CNTNAP3: variants seen among roughly 807,000 people sequenced by gnomAD.
The protein encoded by CNTNAP3 is contactin associated protein family member 3.
In CNTNAP3, 36 loss-of-function variants were observed where a neutral mutation model predicts 92.1. The observed-to-expected ratio is 0.39, with a 90% CI of 0.30 to 0.52. The LOEUF (loss-of-function observed/expected upper bound fraction) is 0.52. CNTNAP3 is among the 20% of genes least tolerant of loss of function. CNTNAP3 has a pLI of 0.76. For synonymous variants in CNTNAP3, 232 were observed against 422.3 expected, an observed-to-expected ratio of 0.55 and a Z score of 5.53; for missense variants, 534 against 1,069.6, an observed-to-expected ratio of 0.50 and a Z score of 6.98.
Position 39,067,125 on chromosome 9 carries a change from C to T in CNTNAP3, c.*6765G>A, listed in dbSNP as rs1825525647. On this transcript the variant is annotated 3_prime_UTR_variant, in exon 24 of 24. Coordinates refer to ENST00000297668, the MANE Select transcript of CNTNAP3 (RefSeq NM_033655.5). The stretch of plus-strand genomic sequence containing the variant: ...TTATTAATATTTTCTTCTGAAAACT[C>T]TCATCTGCCATTAATTACATCCATT... Among the ~76,000 whole-genome samples the T allele has an allele frequency of 6.6e-6, 1 of 152,294 alleles. No individual in the cohort carries two copies.
intron 21 of CNTNAP3, chr9:39,085,010 T>C (rs1188316989): frequency 6.9e-6 from 1 of 144,436 alleles, no homozygotes. Context: ...AAGATGTATA[T>C]AATAAATATT....
intron 18 of CNTNAP3, among the ~76,000 whole-genome samples, chr9:39,098,200 G>A (rs1043183136): frequency 1.4e-5 from 2 of 145,698 alleles, no homozygotes; most frequent in Non-Finnish European, 3.0e-5. Flanking sequence ...GAGAAAAGTT[G>A]AAGGGCTTTC....
At chr9:39,131,683 G>A (rs568045112) in intron 13 of CNTNAP3, among the ~76,000 whole-genome samples, 16 of 152,338 alleles carry the variant, frequency 1.1e-4, no homozygotes, top group East Asian at 1.9e-4. Flanking sequence ...AAAATTAGCC[G>A]GGCATGGCGG....
At chr9:39,104,513 CA>C (rs1446177584) in intron 15 of CNTNAP3, among the ~76,000 whole-genome samples, 1 of 149,300 alleles carries the variant, frequency 6.7e-6, no homozygotes, top group Non-Finnish European at 1.5e-5. Context: ...CACACACACA[CA>C]CACACACTGT....
intron 18 of CNTNAP3, among the ~76,000 whole-genome samples, chr9:39,098,237 G>A (rs1223040763): frequency 4.1e-5 from 6 of 147,038 alleles, no homozygotes; most frequent in Non-Finnish European, 9.0e-5. Context: ...CTTTATGAAA[G>A]GTTGATATTT....
chr9:39,071,564 T>C lies in CNTNAP3; in HGVS notation c.*2326A>G, dbSNP rs1245365986. On this transcript the variant is annotated 3_prime_UTR_variant, in exon 24 of 24. Transcript: ENST00000297668. ...GAAGAAAAAAGTTGGGAAATTATTA[T>C]GCTTTTACTTTTATGTTACAAAAGG... Among the ~76,000 whole-genome samples the C allele has an allele frequency of 1.3e-5, 2 of 152,112 alleles. No homozygotes were observed. The highest frequency in any genetic ancestry group is 2.4e-5 in the African/African-American group (1 of 41,444).
In CNTNAP3 at chr9:39,117,889, C is replaced by T. The variant is rs536792060; in HGVS notation, c.2237+214G>A. On this transcript the variant is annotated intron_variant, in intron 14 of 23. Coordinates refer to ENST00000297668, the MANE Select transcript of CNTNAP3 (RefSeq NM_033655.5). The stretch of plus-strand genomic sequence containing the variant: ...TTTCTCTTTTACGAAAAATAAAAAA[C>T]ACATTATATAGTATTCACAACGAAC... The T allele has an allele frequency of 1.7e-5, 18 of 1,080,336 alleles. No individual in the cohort carries two copies. The African/African-American group carries it at 2.8e-4, about 17-fold the overall frequency. 66.9% of individuals were successfully genotyped at this position (1,080,336 alleles called of 1,614,324 possible).
At chr9:39,089,552 G>A (rs1424613034) in intron 18 of CNTNAP3, among the ~76,000 whole-genome samples, 6 of 152,108 alleles carry the variant, frequency 3.9e-5, no homozygotes, top group African/African-American at 1.2e-4. Context: ...CTATGGACAC[G>A]TTTTTATTTT....
rs529876277 is a variant in CNTNAP3, at chr9:39,142,614, G to A, written c.1756+1626C>T. Among the ~76,000 whole-genome samples the A allele has an allele frequency of 2.3e-3, 350 of 151,458 alleles. 1 individual carries two copies. The highest frequency in any genetic ancestry group is 8.2e-3 in the African/African-American group (339 of 41,244). On this transcript the variant is annotated intron_variant, in intron 11 of 23. Transcript: ENST00000297668. ...GTGAACCCGGGAGGCAGAACTTGCA[G>A]TGAGCTGAGATCATGCCACTGGGCT...
At chr9:39,137,098 T>C (rs1821456563) in intron 12 of CNTNAP3, among the ~76,000 whole-genome samples, 1 of 151,838 alleles carries the variant, frequency 6.6e-6, no homozygotes, top group Non-Finnish European at 1.5e-5. Context: ...TTTCTTCTCC[T>C]AGAATTCTCT....
At chr9:39,133,557 T>C (rs1466217536) in intron 12 of CNTNAP3, among the ~76,000 whole-genome samples, 1 of 152,002 alleles carries the variant, frequency 6.6e-6, no homozygotes, top group Non-Finnish European at 1.5e-5. Context: ...ATTGGGACGA[T>C]GTGACGCACA....
chr9:39,119,419 A>T (rs1820948990), intron 13 of CNTNAP3, among the ~76,000 whole-genome samples: 1 of 151,488 alleles, frequency 6.6e-6, no homozygotes, highest in Admixed American at 6.6e-5. Flanking sequence ...GGAATCTTTT[A>T]AAAATGTGCT....
intron 20 of CNTNAP3, chr9:39,086,179 C>A: frequency 5.2e-6 from 2 of 383,694 alleles, no homozygotes; most frequent in Admixed American, 4.3e-5. Context: ...TAAAACCAAG[C>A]ATTGTTGTTC....
chr9:39,119,333 T>G (rs1820945604), intron 13 of CNTNAP3, among the ~76,000 whole-genome samples: 1 of 135,702 alleles, frequency 7.4e-6, no homozygotes, highest in African/African-American at 2.9e-5. Context: ...CCACCACCAC[T>G]ATCCATCACC....
intron 13 of CNTNAP3, 68 bp downstream of exon 13, chr9:39,132,864 G>C: frequency 6.8e-7 from 1 of 1,471,388 alleles, no homozygotes; most frequent in South Asian, 1.3e-5. Flanking sequence ...TCCCTCAAAC[G>C]CATCTCGCAG....
Position 39,147,368 on chromosome 9 carries a change from CTT to C in CNTNAP3, c.1649+2436_1649+2437del, listed in dbSNP as rs566908373. On this transcript the variant is annotated intron_variant, in intron 10 of 23. Coordinates refer to ENST00000297668, the MANE Select transcript of CNTNAP3 (RefSeq NM_033655.5). ...TTTCAGTATTTTCAGGTTTTCAAAA[CTT>C]AATGTAAAGGGAACAGCAAAGGTAT... 3.5e-3 allele frequency among the ~76,000 whole-genome samples: 532 copies of C among 152,210 alleles called. 5 individuals are homozygous for C. The highest frequency in any genetic ancestry group is 4.7e-3 in the Non-Finnish European group (322 of 68,018).
chr9:39,141,305 T>C (rs1012688360), intron 11 of CNTNAP3, among the ~76,000 whole-genome samples: 1 of 152,176 alleles, frequency 6.6e-6, no homozygotes, highest in African/African-American at 2.4e-5. Flanking sequence ...AAGCATTCTG[T>C]AAAGTTTTTC....
At chr9:39,123,296 G>A (rs1402204995) in intron 13 of CNTNAP3, among the ~76,000 whole-genome samples, 13 of 151,886 alleles carry the variant, frequency 8.6e-5, no homozygotes, top group South Asian at 2.1e-4. Context: ...TGGTTTCCCC[G>A]TGGTAGCCAG....
chr9:39,180,339 A>G (rs1822419315), intron 4 of CNTNAP3, among the ~76,000 whole-genome samples: 1 of 30,406 alleles, frequency 3.3e-5, no homozygotes, highest in East Asian at 6.3e-4. Context: ...CAACCTATAC[A>G]TTTCTTTTTC....
Sources: allele counts gnomAD v4.1 joint callset (sites outside exome capture counted in the v4.1 genomes callset), GRCh38; gene constraint gnomAD v4.1.1; transcripts MANE v1.5; gene names NCBI Gene and HGNC (gene_info 2026-07-23, HGNC 2026-07-21).